Variants in PAM observed in about 807,000 individuals in gnomAD.
PAM encodes peptidylglycine alpha-amidating monooxygenase, also known as peptidyl-glycine alpha-amidating monooxygenase.
A neutral mutation model predicts 122.1 loss-of-function variants in PAM; 72 were observed. That is an observed-to-expected ratio of 0.59 (90% CI 0.49 to 0.72). The LOEUF is 0.72. Ranked by LOEUF, PAM falls within the 30% of genes least tolerant of loss-of-function variation. The pLI is 0.00. For synonymous variants in PAM, 389 were observed against 404.4 expected (o/e 0.96, Z 0.46); for missense variants, 1,106 against 1,183.7 (o/e 0.93, Z 0.96).
intron 1 of PAM, among the ~76,000 whole-genome samples, chr5:102,810,835 A>G (rs915858599): frequency 2.0e-5 from 3 of 152,170 alleles, no homozygotes; most frequent in African/African-American, 2.4e-5. Context: ...TCTCAAAAAA[A>G]GAAAAAAAAA....
At chr5:102,821,076 G>C (rs1018576804) in intron 1 of PAM, among the ~76,000 whole-genome samples, 17 of 152,118 alleles carry the variant, frequency 1.1e-4, no homozygotes, top group African/African-American at 3.9e-4. Context: ...TTCATCTTCT[G>C]TACCTTTAAA....
chr5:102,806,451 C>G (rs568380719), intron 1 of PAM, among the ~76,000 whole-genome samples: 11 of 152,290 alleles, frequency 7.2e-5, no homozygotes, highest in African/African-American at 2.6e-4. Context: ...ACCTAGTCTG[C>G]AATTGACACT....
intron 3 of PAM, among the ~76,000 whole-genome samples, chr5:102,869,894 AC>A (rs1171271811): frequency 6.6e-6 from 1 of 152,184 alleles, no homozygotes; most frequent in Non-Finnish European, 1.5e-5. Flanking sequence ...GAGGGAAGAA[AC>A]AAAAGGTAGA....
At chr5:102,858,109 C>T (rs78222930) in intron 1 of PAM, among the ~76,000 whole-genome samples, 2,360 of 152,298 alleles carry the variant, frequency 0.015, 58 homozygotes, top group African/African-American at 0.054. Flanking sequence ...AAAATCAGTG[C>T]TGGCATATGA....
intron 12 of PAM, among the ~76,000 whole-genome samples, chr5:102,955,927 C>A (rs900965481): frequency 1.1e-4 from 17 of 151,870 alleles, no homozygotes; most frequent in African/African-American, 4.1e-4. Context: ...ATAAAATAAG[C>A]AAACTGTGAT....
At chr5:102,948,346 G>T in intron 8 of PAM, 32 bp from the exon 9 acceptor site, 1 of 1,277,244 alleles carries the variant, frequency 7.8e-7, no homozygotes, top group Non-Finnish European at 1.1e-6. Context: ...ACTTTTTCAG[G>T]TATTTTAGAA....
intron 1 of PAM, among the ~76,000 whole-genome samples, chr5:102,833,798 G>A (rs1401084379): frequency 6.6e-6 from 1 of 152,044 alleles, no homozygotes; most frequent in Non-Finnish European, 1.5e-5. Flanking sequence ...GACAATGTTG[G>A]ATTCCTTACC....
intron 15 of PAM, among the ~76,000 whole-genome samples, chr5:102,985,646 A>G (rs1383882690): frequency 6.6e-6 from 1 of 152,152 alleles, no homozygotes; most frequent in Admixed American, 6.5e-5. Flanking sequence ...ACCAGATGGT[A>G]CTGCTGAATT....
chr5:102,823,528 T>C (rs780360613), intron 1 of PAM, among the ~76,000 whole-genome samples: 11 of 152,200 alleles, frequency 7.2e-5, no homozygotes, highest in Non-Finnish European at 1.6e-4. Context: ...TGATTCAGAC[T>C]TTCCTACATC....
chr5:102,956,072 A>T (rs1316461820), intron 12 of PAM, among the ~76,000 whole-genome samples: 1 of 152,060 alleles, frequency 6.6e-6, no homozygotes, highest in Non-Finnish European at 1.5e-5. Context: ...CTTTTTGTTC[A>T]GCTCTTTTAA....
At chr5:102,953,387 G>T (rs1294771716) in intron 12 of PAM, among the ~76,000 whole-genome samples, 1 of 152,148 alleles carries the variant, frequency 6.6e-6, no homozygotes, top group Admixed American at 6.6e-5. Context: ...ACAAGGAGGG[G>T]GGGGAATCCT....
intron 1 of PAM, among the ~76,000 whole-genome samples, chr5:102,818,270 A>G (rs943130687): frequency 1.3e-5 from 2 of 152,108 alleles, no homozygotes; most frequent in African/African-American, 4.8e-5. Flanking sequence ...GCAACATAAC[A>G]AAGAGTATAA....
intron 5 of PAM, among the ~76,000 whole-genome samples, chr5:102,921,857 G>T (rs1311897520): frequency 6.6e-6 from 1 of 152,100 alleles, no homozygotes; most frequent in Non-Finnish European, 1.5e-5. Flanking sequence ...GACAGCCAGA[G>T]CTTTAAGTCA....
chr5:102,821,977 A>G (rs1393591569), intron 1 of PAM, among the ~76,000 whole-genome samples: 2 of 152,210 alleles, frequency 1.3e-5, no homozygotes, highest in Admixed American at 6.5e-5. Context: ...TTATACATAC[A>G]TTTAAGAAAG....
intron 3 of PAM, among the ~76,000 whole-genome samples, chr5:102,868,827 TAAC>T (rs1379905012): frequency 1.3e-5 from 2 of 152,192 alleles, no homozygotes; most frequent in Non-Finnish European, 2.9e-5. Flanking sequence ...TTAAATTACT[TAAC>T]AATAATAATG....
At chr5:102,957,428 T>G (rs1287916015) in intron 12 of PAM, among the ~76,000 whole-genome samples, 1 of 152,050 alleles carries the variant, frequency 6.6e-6, no homozygotes, top group East Asian at 1.9e-4. Flanking sequence ...GAGCACATTG[T>G]GTATTAAAGG....
intron 3 of PAM, 99 bp from the exon 4 acceptor site, chr5:102,901,257 G>A (rs1452880727): frequency 1.5e-6 from 1 of 685,258 alleles, no homozygotes; most frequent in Admixed American, 2.2e-5. Context: ...TACCCTCACT[G>A]ACTACTTTTT....
intron 1 of PAM, among the ~76,000 whole-genome samples, chr5:102,854,348 C>G (rs779405303): frequency 6.6e-6 from 1 of 152,152 alleles, no homozygotes; most frequent in African/African-American, 2.4e-5. Context: ...AATGACTTCT[C>G]TATACTATAC....
intron 23 of PAM, 64 bp from the exon 24 acceptor site, chr5:103,025,067 G>T: frequency 1.8e-6 from 2 of 1,109,822 alleles, no homozygotes; most frequent in Middle Eastern, 2.2e-4. Flanking sequence ...CTGGGTAGGG[G>T]TGGGTAAGGG....
Sources: gnomAD v4.1 joint callset for allele counts (sites outside exome capture counted in the v4.1 genomes callset) on GRCh38, gnomAD v4.1.1 for gene constraint, MANE v1.5 for transcripts, NCBI Gene and HGNC (gene_info 2026-07-23, HGNC 2026-07-21) for gene names.